KCNQ5: variants seen among roughly 807,000 people sequenced by gnomAD.
The protein encoded by KCNQ5 is potassium voltage-gated channel subfamily Q member 5.
A neutral mutation model predicts 98.2 loss-of-function variants in KCNQ5; 30 were observed. The ratio of observed to expected loss-of-function variants is 0.31; its 90% confidence interval spans 0.23 to 0.41. KCNQ5 has a LOEUF of 0.41. Ranked by LOEUF, KCNQ5 falls within the 10% of genes least tolerant of loss-of-function variation. The pLI is 1.00. For synonymous variants in KCNQ5, 458 were observed against 449.4 expected (o/e 1.02, Z -0.24); for missense variants, 835 against 1,182.5 (o/e 0.71, Z 4.31).
At chr6:72,753,705 G>T (rs1771807729) in intron 1 of KCNQ5, among the ~76,000 whole-genome samples, 1 of 152,036 alleles carries the variant, frequency 6.6e-6, no homozygotes, top group South Asian at 2.1e-4. Context: ...CTTTTCACAT[G>T]ATGTTTGCCA....
chr6:72,899,444 A>G (rs1779389385), intron 1 of KCNQ5, among the ~76,000 whole-genome samples: 1 of 152,194 alleles, frequency 6.6e-6, no homozygotes, highest in Non-Finnish European at 1.5e-5. Context: ...ATGGGGTCAA[A>G]CAATATGAGT....
intron 9 of KCNQ5, among the ~76,000 whole-genome samples, chr6:73,124,943 A>G: frequency 9.3e-5 from 1 of 10,804 alleles, no homozygotes; most frequent in Middle Eastern, 0.045. Context: ...AGTGATATAT[A>G]TATATATATA....
intron 1 of KCNQ5, among the ~76,000 whole-genome samples, chr6:72,781,865 A>C (rs764197112): frequency 3.4e-4 from 52 of 152,238 alleles, no homozygotes; most frequent in Non-Finnish European, 2.8e-4. Flanking sequence ...TGCAAAGTAC[A>C]TGATAAGCCA....
At chr6:72,964,602 T>C (rs1272641359) in intron 1 of KCNQ5, among the ~76,000 whole-genome samples, 4 of 152,182 alleles carry the variant, frequency 2.6e-5, no homozygotes, top group African/African-American at 7.2e-5. Context: ...GCAATACCAT[T>C]CTTTGCTTTT....
chr6:73,024,084 G>T (rs978026718), intron 2 of KCNQ5, among the ~76,000 whole-genome samples: 6 of 152,190 alleles, frequency 3.9e-5, no homozygotes, highest in African/African-American at 9.6e-5. Context: ...AATCATAATT[G>T]CCTCTTAACG....
chr6:72,913,676 A>T (rs1277288354), intron 1 of KCNQ5, among the ~76,000 whole-genome samples: 1 of 152,232 alleles, frequency 6.6e-6, no homozygotes, highest in Non-Finnish European at 1.5e-5. Context: ...TAGACATTTT[A>T]AACAGTGTAG....
At chr6:72,676,287 G>A (rs902757119) in intron 1 of KCNQ5, among the ~76,000 whole-genome samples, 1 of 152,086 alleles carries the variant, frequency 6.6e-6, no homozygotes. Flanking sequence ...TGAAAGAATG[G>A]AAAATTTTGT....
At chr6:72,795,134 A>T (rs374500795) in intron 1 of KCNQ5, among the ~76,000 whole-genome samples, 14 of 152,280 alleles carry the variant, frequency 9.2e-5, no homozygotes, top group African/African-American at 3.1e-4. Flanking sequence ...TCCGAGCAAA[A>T]CAAAACTTTC....
intron 1 of KCNQ5, among the ~76,000 whole-genome samples, chr6:72,728,858 C>T (rs1450237533): frequency 6.6e-6 from 1 of 152,130 alleles, no homozygotes; most frequent in East Asian, 1.9e-4. Context: ...ATGATCTTTT[C>T]TTTCTTTATC....
At chr6:73,124,700 C>A in intron 9 of KCNQ5, 188 bp downstream of exon 9, 1 of 611,506 alleles carries the variant, frequency 1.6e-6, no homozygotes, top group Non-Finnish European at 2.9e-6. Flanking sequence ...GTGTCTTTCC[C>A]TAACTCACTC....
At chr6:73,043,134 G>C (rs1028775047) in intron 3 of KCNQ5, 21 of 452,648 alleles carry the variant, frequency 4.6e-5, no homozygotes, top group African/African-American at 3.6e-4. Flanking sequence ...GGTGGGGGCA[G>C]AGTGGATTTA....
At chr6:72,974,399 A>AAAAAG (rs199811414) in intron 1 of KCNQ5, among the ~76,000 whole-genome samples, 1 of 150,850 alleles carries the variant, frequency 6.6e-6, no homozygotes, top group African/African-American at 2.4e-5. Flanking sequence ...AAAAAAAAAA[A>AAAAAG]GGCCTAGACT....
chr6:73,152,997 GTGAACTCTCATC>G (rs1777215132), intron 10 of KCNQ5, among the ~76,000 whole-genome samples: 1 of 152,164 alleles, frequency 6.6e-6, no homozygotes, highest in African/African-American at 2.4e-5. Flanking sequence ...GGATGAAGGG[GTGAACTCTCATC>G]TAAAGATTTC....
chr6:73,158,008 C>G (rs1444012547), intron 10 of KCNQ5: 24 of 733,548 alleles, frequency 3.3e-5, no homozygotes. Context: ...AAGTAGGGTT[C>G]TCTGGGTTTA....
chr6:72,808,285 GA>G (rs1561996864), intron 1 of KCNQ5, among the ~76,000 whole-genome samples: 1 of 152,164 alleles, frequency 6.6e-6, no homozygotes, highest in Admixed American at 6.5e-5. Flanking sequence ...TACATAAAAG[GA>G]GTATTCACTT....
intron 11 of KCNQ5, among the ~76,000 whole-genome samples, chr6:73,184,730 G>C (rs182325992): frequency 1.1e-3 from 167 of 152,328 alleles, no homozygotes; most frequent in Non-Finnish European, 2.1e-3. Context: ...AGATTTCCTA[G>C]AGCACTTGGT....
chr6:73,183,048 C>A (rs1562223995), intron 11 of KCNQ5, among the ~76,000 whole-genome samples: 1 of 152,062 alleles, frequency 6.6e-6, no homozygotes, highest in Non-Finnish European at 1.5e-5. Flanking sequence ...TATGGGATCC[C>A]CTCTGGAAAG....
At position 73,127,555 on chromosome 6, in the gene KCNQ5, C is replaced by T. The variant is rs79582317; in HGVS notation, c.1247+3043C>T. On this transcript the variant is annotated intron_variant, in intron 9 of 13. Coordinates refer to ENST00000370398, the MANE Select transcript of KCNQ5 (RefSeq NM_019842.4). ...CCATGACTGTAGAGTGGGTCATACA[C>T]AGAGAGGCTTTTCTTTCTGCAACAT... Among the ~76,000 whole-genome samples, 8 of 152,342 alleles carry T rather than the reference C, an allele frequency of 5.3e-5. No homozygotes were observed. In the East Asian group the frequency reaches 1.5e-3, roughly 29 times the overall value.
chr6:72,773,219 A>T (rs959372935), intron 1 of KCNQ5, among the ~76,000 whole-genome samples: 1 of 152,170 alleles, frequency 6.6e-6, no homozygotes, highest in East Asian at 1.9e-4. Context: ...TAGCAAAGAC[A>T]TGGAACCAAC....
Sources: gnomAD v4.1 joint callset for allele counts (sites outside exome capture counted in the v4.1 genomes callset) on GRCh38, gnomAD v4.1.1 for gene constraint, MANE v1.5 for transcripts, NCBI Gene and HGNC (gene_info 2026-07-23, HGNC 2026-07-21) for gene names.